Variants in GRM4 observed in about 807,000 individuals in gnomAD.
GRM4 encodes the protein metabotropic glutamate receptor 4.
A neutral mutation model predicts 81.7 loss-of-function variants in GRM4; 28 were observed. That is an observed-to-expected ratio of 0.34 (90% CI 0.25 to 0.47). GRM4 has a LOEUF of 0.47. Among genes scored for constraint, GRM4 ranks in the 20% least tolerant of loss-of-function variants. GRM4 has a pLI of 1.00. For missense variants in GRM4, 948 were observed against 1,290.0 expected (o/e 0.73, Z 4.06); for synonymous variants, 488 against 528.8 (o/e 0.92, Z 1.06).
At chr6:34,110,044 T>C (rs1350987975) in intron 2 of GRM4, among the ~76,000 whole-genome samples, 1 of 152,086 alleles carries the variant, frequency 6.6e-6, no homozygotes, top group Non-Finnish European at 1.5e-5. Flanking sequence ...ACTTAAACCA[T>C]GGTGTCCCTT....
In GRM4 at chr6:34,090,740, G is replaced by A. The variant is rs2127485542; in HGVS notation, c.736+1143C>T. On this transcript the variant is annotated intron_variant, in intron 3 of 10. Transcript: ENST00000538487. The surrounding 1 kb of genome is among the most constrained non-coding windows in gnomAD (Gnocchi z 5.2). ...GATTTATAGCAGGATTATGCCCACG[G>A]GGTGTTACCAACGGCAGCCTCTGGA... 6.6e-6 allele frequency among the ~76,000 whole-genome samples: 1 copy of A among 152,224 alleles called. No individual in the cohort carries two copies. The highest frequency in any genetic ancestry group is 2.4e-5 in the African/African-American group (1 of 41,524).
At chr6:34,129,377 G>A (rs1055020574) in intron 2 of GRM4, among the ~76,000 whole-genome samples, 8 of 152,228 alleles carry the variant, frequency 5.3e-5, no homozygotes, top group African/African-American at 1.7e-4. Flanking sequence ...AAGTGGAGGT[G>A]AGGTAACTAG....
intron 2 of GRM4, among the ~76,000 whole-genome samples, chr6:34,120,028 G>T (rs1356844490): frequency 6.6e-6 from 1 of 152,196 alleles, no homozygotes; most frequent in Admixed American, 6.5e-5. Context: ...TGGGGTTGGG[G>T]TGTGTCTCTT....
In GRM4 at chr6:34,078,785, C is replaced by G. The variant is rs1231165861; in HGVS notation, c.736+13098G>C. On this transcript the variant is annotated intron_variant, in intron 3 of 10. Transcript: ENST00000538487. This position sits in a 1 kb window ranked among gnomAD's most constrained non-coding sequence, Gnocchi z 4.8. ...CCATATCCCAAGGCCTCCCTGGGGCCCCAAGCCGTCTGCAAGAGTCGTTAG... is the reference window on the plus strand; with the variant it reads ...CCATATCCCAAGGCCTCCCTGGGGCGCCAAGCCGTCTGCAAGAGTCGTTAG... Among the ~76,000 whole-genome samples, 1 of 152,172 alleles carries G rather than the reference C, an allele frequency of 6.6e-6. No individual in the cohort carries two copies. Among genetic ancestry groups the G allele is most frequent in the Non-Finnish European group, 1.5e-5 (1 of 68,034 alleles).
intron 2 of GRM4, among the ~76,000 whole-genome samples, chr6:34,123,191 C>A (rs1371747329): frequency 6.6e-6 from 1 of 152,162 alleles, no homozygotes; most frequent in Non-Finnish European, 1.5e-5. Context: ...CTCAGCCCTG[C>A]CTTGCATAGA....
At chr6:34,039,428 C>G (rs557723354) in intron 8 of GRM4, among the ~76,000 whole-genome samples, 1 of 152,132 alleles carries the variant, frequency 6.6e-6, no homozygotes, top group Non-Finnish European at 1.5e-5. Context: ...AGTCTATCCA[C>G]GGGGTCACAG....
At chr6:34,108,972 C>G (rs924768338) in intron 2 of GRM4, among the ~76,000 whole-genome samples, 3 of 152,210 alleles carry the variant, frequency 2.0e-5, no homozygotes, top group African/African-American at 7.2e-5. Context: ...CCACCGTCAT[C>G]TCCCTTCATG....
Position 34,035,910 on chromosome 6 carries a change from T to C in GRM4, c.2200A>G (p.Thr734Ala). The change falls in exon 9 of 11, where the codon ACA becomes GCA. Residue 734 changes from threonine to alanine, a missense_variant. By Grantham distance (58) the Thr-to-Ala change is moderately conservative. Coordinates refer to ENST00000538487, the MANE Select transcript of GRM4 (RefSeq NM_000841.4). This position sits in a 1 kb window ranked among gnomAD's most constrained non-coding sequence, Gnocchi z 6.6. ...CCCCTGGCGAAGCGGGGGTCGAGTG[T>C]CCGCTGGTCCTGGAAGTCCACCACC... is the stretch of plus-strand genomic sequence containing the variant. Reference protein sequence around the residue: ...HSVVDFQDQRTLDPRFARGVL... With the variant: ...HSVVDFQDQRALDPRFARGVL... The C allele has an allele frequency of 1.4e-5, 22 of 1,608,202 alleles. No homozygotes were observed. The highest frequency in any genetic ancestry group is 1.9e-5 in the Non-Finnish European group (22 of 1,175,340).
chr6:34,093,393 T>C (rs1192943293), intron 2 of GRM4, among the ~76,000 whole-genome samples: 1 of 152,232 alleles, frequency 6.6e-6, no homozygotes, highest in African/African-American at 2.4e-5. Context: ...CTCTATTCAC[T>C]TCAACAAAGA....
At chr6:34,081,675 C>T (rs187375565) in intron 3 of GRM4, among the ~76,000 whole-genome samples, 151 of 151,944 alleles carry the variant, frequency 9.9e-4, no homozygotes, top group African/African-American at 3.5e-3. Flanking sequence ...TGCTGGACAT[C>T]CCCGCCCCAG....
rs1277153008 is a variant in GRM4, at chr6:34,070,797, C to T, written c.737-8769G>A. On this transcript the variant is annotated intron_variant, in intron 3 of 10. Coordinates refer to ENST00000538487, the MANE Select transcript of GRM4 (RefSeq NM_000841.4). The surrounding 1 kb of genome is among the most constrained non-coding windows in gnomAD (Gnocchi z 4.6). ...CACCCCCGCCACACCCCCAGCCACA[C>T]ACACACACACACACACACACACGGC... Among the ~76,000 whole-genome samples, 3 of 118,876 alleles carry T rather than the reference C, an allele frequency of 2.5e-5. No individual in the cohort carries two copies. Among genetic ancestry groups the T allele is most frequent in the Non-Finnish European group, 4.7e-5 (3 of 63,374 alleles). The allele number at this position is 118,876 out of a possible 152,430, so 78.0% of individuals were successfully genotyped here.
Position 34,070,534 on chromosome 6 carries a change from G to A in GRM4, c.737-8506C>T, listed in dbSNP as rs778912168. Among the ~76,000 whole-genome samples, 8 of 151,976 alleles carry A rather than the reference G, an allele frequency of 5.3e-5. No homozygotes were observed. The highest frequency in any genetic ancestry group is 1.2e-4 in the Non-Finnish European group (8 of 67,986). On this transcript the variant is annotated intron_variant, in intron 3 of 10. Coordinates refer to ENST00000538487, the MANE Select transcript of GRM4 (RefSeq NM_000841.4). This position sits in a 1 kb window ranked among gnomAD's most constrained non-coding sequence, Gnocchi z 4.6. ...GTGAGGGCCCAGTGTAGTGGTGTTTGTGCAGGTCTGCCCCCTGGAGCCAAC... is the reference window on the plus strand; with the variant it reads ...GTGAGGGCCCAGTGTAGTGGTGTTTATGCAGGTCTGCCCCCTGGAGCCAAC...
intron 2 of GRM4, among the ~76,000 whole-genome samples, chr6:34,095,922 G>A (rs1768495251): frequency 6.6e-6 from 1 of 152,202 alleles, no homozygotes; most frequent in African/African-American, 2.4e-5. Context: ...CCCATGTGGG[G>A]CTCTGACGTC....
chr6:34,059,351 T>TG lies in GRM4; in HGVS notation c.873-224dup, dbSNP rs1251336100. The TG allele has an allele frequency of 1.7e-6, 1 of 573,218 alleles. No homozygotes were observed. Among genetic ancestry groups the TG allele is most frequent in the Admixed American group, 3.0e-5 (1 of 33,092 alleles). 35.5% of individuals were successfully genotyped at this position (573,218 alleles called of 1,614,324 possible). A position where few individuals can be genotyped will look rare whatever the true frequency, so the allele number is the denominator to read the frequency against. ...CCGCCTCATCCAACCTGCCTGCCCC[T>TG]GGGCCCACGCCTGCTGCAGGCCCAG... On this transcript the variant is annotated intron_variant, in intron 4 of 10. Transcript: ENST00000538487. The surrounding 1 kb of genome is among the most constrained non-coding windows in gnomAD (Gnocchi z 5.7).
At chr6:34,100,122 C>T in intron 2 of GRM4, 15 of 843,584 alleles carry the variant, frequency 1.8e-5, no homozygotes, top group Non-Finnish European at 2.0e-5. Context: ...CTGGCCCTGG[C>T]AGGCCGGCCT....
At chr6:34,127,494 G>A (rs1770067313) in intron 2 of GRM4, among the ~76,000 whole-genome samples, 1 of 152,214 alleles carries the variant, frequency 6.6e-6, no homozygotes, top group Admixed American at 6.5e-5. Flanking sequence ...CAGGAAAGGA[G>A]TTCACATTTT....
chr6:34,026,973 G>A, intron 10 of GRM4, among the ~76,000 whole-genome samples: 1 of 152,162 alleles, frequency 6.6e-6, no homozygotes, highest in Non-Finnish European at 1.5e-5. Context: ...CCCCAATTTG[G>A]CAGAAAGGCC....
At chr6:34,102,494 C>T (rs1295429551) in intron 2 of GRM4, among the ~76,000 whole-genome samples, 1 of 151,912 alleles carries the variant, frequency 6.6e-6, no homozygotes, top group Non-Finnish European at 1.5e-5. Flanking sequence ...GCATGTGGCT[C>T]GCTCCCTCTC....
At chr6:34,091,608 C>T in intron 3 of GRM4, 1 of 489,702 alleles carries the variant, frequency 2.0e-6, no homozygotes, top group Non-Finnish European at 3.7e-6. Flanking sequence ...AGAGCGGCCG[C>T]CCCGCAGGCT....
Sources: allele counts gnomAD v4.1 joint callset (sites outside exome capture counted in the v4.1 genomes callset), GRCh38; gene constraint gnomAD v4.1.1; non-coding constraint Gnocchi (gnomAD v3.1); transcripts MANE v1.5; gene names NCBI Gene and HGNC (gene_info 2026-07-23, HGNC 2026-07-21).